The following COG5 variants were observed in gnomAD, a reference collection of about 807,000 sequenced individuals.
COG5 encodes conserved oligomeric Golgi complex subunit 5.
COG5 carries 86 observed loss-of-function variants against 110.4 expected under a neutral mutation model. The ratio of observed to expected loss-of-function variants is 0.78; its 90% CI spans 0.65 to 0.93. The LOEUF is 0.93. Among genes scored for constraint, COG5 ranks in the 40% least tolerant of loss-of-function variants. The pLI, the probability that COG5 is intolerant of heterozygous loss-of-function variation, is 0.00. For missense variants in COG5, 1,077 were observed against 987.0 expected (o/e 1.09, Z -1.22); for synonymous variants, 360 against 334.6 (o/e 1.08, Z -0.83).
At chr7:107,494,737 A>C (rs1798167745) in intron 6 of COG5, among the ~76,000 whole-genome samples, 1 of 152,174 alleles carries the variant, frequency 6.6e-6, no homozygotes, top group South Asian at 2.1e-4. Flanking sequence ...TAACCAAAGA[A>C]AGATTTACTT....
At chr7:107,466,814 A>G (rs1796320788) in intron 6 of COG5, among the ~76,000 whole-genome samples, 1 of 152,248 alleles carries the variant, frequency 6.6e-6, no homozygotes, top group East Asian at 1.9e-4. Context: ...CCTTGTCGCA[A>G]TACAGCTTAA....
intron 7 of COG5, among the ~76,000 whole-genome samples, chr7:107,389,539 T>C (rs1271100609): frequency 6.6e-6 from 1 of 152,182 alleles, no homozygotes; most frequent in African/African-American, 2.4e-5. Context: ...AAACATTCCT[T>C]CCTGTGCTAA....
chr7:107,511,513 G>C (rs895512127), intron 6 of COG5, among the ~76,000 whole-genome samples: 3 of 152,114 alleles, frequency 2.0e-5, no homozygotes, highest in Non-Finnish European at 2.9e-5. Flanking sequence ...CCAATCAATA[G>C]AAAAAGAGGG....
chr7:107,294,497 A>T (rs1344330475), intron 12 of COG5, among the ~76,000 whole-genome samples: 1 of 152,126 alleles, frequency 6.6e-6, no homozygotes, highest in African/African-American at 2.4e-5. Context: ...GCTAATTTTA[A>T]AATGTTTATC....
intron 17 of COG5, among the ~76,000 whole-genome samples, chr7:107,241,513 C>T (rs796630458): frequency 6.6e-5 from 10 of 151,054 alleles, no homozygotes; most frequent in African/African-American, 1.7e-4. Flanking sequence ...AGTGCAGTGG[C>T]GCGATCTGGG....
chr7:107,298,492 T>C (rs902842870), intron 11 of COG5, 146 bp from the exon 12 acceptor site: 3 of 537,408 alleles, frequency 5.6e-6, no homozygotes, highest in Non-Finnish European at 9.7e-6. Context: ...ATAATGCTAA[T>C]AATAATAATT....
In COG5 at chr7:107,261,716, C is replaced by G. The variant is rs570829166; in HGVS notation, c.1576-3333G>C. Among the ~76,000 whole-genome samples, 8 of 152,262 alleles carry G rather than the reference C, an allele frequency of 5.3e-5. No individual in the cohort carries two copies. In the East Asian group the frequency reaches 1.5e-3, roughly 29 times the overall value. ...TTACTGTTTACTCCAACTCATTTAT[C>G]TTCTTCCATGGTCACACTCTATAAT... is the stretch of plus-strand genomic sequence containing the variant. On this transcript the variant is annotated intron_variant, in intron 14 of 21. Coordinates refer to ENST00000297135, the MANE Select transcript of COG5 (RefSeq NM_006348.5).
At chr7:107,394,195 C>T (rs1790824218) in intron 7 of COG5, among the ~76,000 whole-genome samples, 1 of 151,596 alleles carries the variant, frequency 6.6e-6, no homozygotes, top group South Asian at 2.1e-4. Context: ...GATCTCCTGA[C>T]CTTGTGATCC....
At chr7:107,506,098 C>T (rs1798975701) in intron 6 of COG5, among the ~76,000 whole-genome samples, 1 of 152,184 alleles carries the variant, frequency 6.6e-6, no homozygotes, top group African/African-American at 2.4e-5. Flanking sequence ...CTCAGGACCT[C>T]CTGGTTGGCC....
intron 6 of COG5, among the ~76,000 whole-genome samples, chr7:107,524,399 T>C (rs1158494098): frequency 6.6e-6 from 1 of 152,236 alleles, no homozygotes; most frequent in Non-Finnish European, 1.5e-5. Context: ...GCTTTTAAGT[T>C]AATTTCAAGG....
intron 8 of COG5, among the ~76,000 whole-genome samples, chr7:107,362,784 G>A (rs1018265299): frequency 6.6e-6 from 1 of 150,734 alleles, no homozygotes; most frequent in African/African-American, 2.4e-5. Context: ...GTATGCACAT[G>A]TGTGTGTATG....
intron 5 of COG5, among the ~76,000 whole-genome samples, chr7:107,537,281 C>T (rs1254875993): frequency 6.6e-6 from 1 of 152,132 alleles, no homozygotes; most frequent in African/African-American, 2.4e-5. Context: ...TATAAAGATA[C>T]ACACACACGT....
At position 107,513,506 on chromosome 7, in the gene COG5, T is replaced by A. The variant is rs530179207; in HGVS notation, c.538+13731A>T. Among the ~76,000 whole-genome samples the A allele has an allele frequency of 6.9e-4, 105 of 152,332 alleles. 3 individuals carry two copies. The South Asian group carries it at 0.021, about 31-fold the overall frequency. On this transcript the variant is annotated intron_variant, in intron 6 of 21. Transcript: ENST00000297135. ...TCAGTGTGGCGATTCCTCAGGGATC[T>A]AGAACTAGAAATACCATTTGACCCA...
chr7:107,282,007 CAAA>C (rs10706210), intron 13 of COG5, among the ~76,000 whole-genome samples: 7 of 113,340 alleles, frequency 6.2e-5, no homozygotes, highest in Non-Finnish European at 8.9e-5. Context: ...ATCTGACTGC[CAAA>C]AAAAAAAAAA....
At position 107,283,745 on chromosome 7, in the gene COG5, A is replaced by T; in HGVS notation, c.1314-13T>A. ...AGCCTTTTCTGGACTGTGGAAACAA[A>T]ATTTTTTAAAAACTAACTTAAATTG... On this transcript the variant is annotated splice_polypyrimidine_tract_variant and intron_variant, in intron 12 of 21. Coordinates refer to ENST00000297135, the MANE Select transcript of COG5 (RefSeq NM_006348.5). 1 of 1,610,274 alleles carries T rather than the reference A, an allele frequency of 6.2e-7. No homozygotes were observed. The highest frequency in any genetic ancestry group is 1.1e-5 in the South Asian group (1 of 90,998).
intron 11 of COG5, among the ~76,000 whole-genome samples, chr7:107,308,535 T>C (rs1447284930): frequency 2.0e-5 from 3 of 152,164 alleles, no homozygotes; most frequent in Non-Finnish European, 2.9e-5. Flanking sequence ...TGCTAATTCA[T>C]TGAAGACTGC....
chr7:107,400,553 T>A (rs1050162888), intron 7 of COG5, among the ~76,000 whole-genome samples: 1 of 152,144 alleles, frequency 6.6e-6, no homozygotes, highest in African/African-American at 2.4e-5. Flanking sequence ...TACCAAATTT[T>A]AATCAAAGAG....
chr7:107,419,278 TA>T (rs1793102180), intron 6 of COG5, among the ~76,000 whole-genome samples: 1 of 152,112 alleles, frequency 6.6e-6, no homozygotes, highest in African/African-American at 2.4e-5. Context: ...AAGATTTTAA[TA>T]TGTGATAGCC....
chr7:107,414,072 C>A (rs1002132856), intron 6 of COG5, among the ~76,000 whole-genome samples: 3 of 152,170 alleles, frequency 2.0e-5, no homozygotes, highest in Non-Finnish European at 4.4e-5. Context: ...CCAATTTGCA[C>A]ATTGAAAGGG....
Sources: allele counts gnomAD v4.1 joint callset (sites outside exome capture counted in the v4.1 genomes callset), GRCh38; gene constraint gnomAD v4.1.1; transcripts MANE v1.5; gene names NCBI Gene and HGNC (gene_info 2026-07-23, HGNC 2026-07-21).